The following HMGB1 variants were observed in gnomAD, a reference collection of about 807,000 sequenced individuals.
HMGB1 encodes the protein high mobility group protein B1.
For missense variants in HMGB1, 79 were observed against 253.5 expected (o/e 0.31, Z 4.67); for synonymous variants, 81 against 84.0 (o/e 0.96, Z 0.19).
chr13:30,522,398 C>G (rs1888259758), intron 1 of HMGB1, among the ~76,000 whole-genome samples: 1 of 152,134 alleles, frequency 6.6e-6, no homozygotes, highest in African/African-American at 2.4e-5. Flanking sequence ...GCCACTGTGC[C>G]TGGACATAAT....
chr13:30,501,539 A>T (rs1209973170), intron 1 of HMGB1, among the ~76,000 whole-genome samples: 2 of 150,130 alleles, frequency 1.3e-5, no homozygotes, highest in Non-Finnish European at 3.0e-5. Flanking sequence ...ATTAAAATCA[A>T]TATATTATTT....
intron 1 of HMGB1, among the ~76,000 whole-genome samples, chr13:30,485,084 T>G (rs1327203894): frequency 1.4e-5 from 2 of 147,414 alleles, no homozygotes; most frequent in African/African-American, 2.5e-5. Flanking sequence ...CAGGCTGGAG[T>G]GCCATAGTGC....
At chr13:30,537,033 A>G (rs1360012065) in intron 1 of HMGB1, among the ~76,000 whole-genome samples, 1 of 152,226 alleles carries the variant, frequency 6.6e-6, no homozygotes, top group Non-Finnish European at 1.5e-5. Context: ...GATGTCTTCT[A>G]GAAACTTCCT....
intron 1 of HMGB1, among the ~76,000 whole-genome samples, chr13:30,595,528 CG>C (rs1337269168): frequency 1.2e-4 from 18 of 152,136 alleles, no homozygotes; most frequent in African/African-American, 3.9e-4. Context: ...TCTATTGCTG[CG>C]TAGCATATTT....
At chr13:30,550,415 A>C (rs1207731397) in intron 1 of HMGB1, among the ~76,000 whole-genome samples, 1 of 152,254 alleles carries the variant, frequency 6.6e-6, no homozygotes, top group African/African-American at 2.4e-5. Context: ...TAACGACTGA[A>C]TGGAATGAGA....
Position 30,464,724 on chromosome 13 carries a change from CGA to C in HMGB1, c.-14-1032_-14-1031del. On this transcript the variant is annotated intron_variant, in intron 1 of 4. Transcript: ENST00000341423. Reference sequence around the variant, plus strand: ...TTCTCCGCCTGCGCCGCCGCCGCCGCGAGGGCGAGCGCGAGCGAGAATATGGC... The same window carrying C: ...TTCTCCGCCTGCGCCGCCGCCGCCGCGGGCGAGCGCGAGCGAGAATATGGC... The C allele has an allele frequency of 3.9e-6, 3 of 761,878 alleles. 1 individual carries two copies. The highest frequency in any genetic ancestry group is 4.8e-6 in the Non-Finnish European group (3 of 627,374). 47.2% of individuals were successfully genotyped at this position (761,878 alleles called of 1,614,324 possible).
chr13:30,523,181 G>A (rs1034099321), intron 1 of HMGB1, among the ~76,000 whole-genome samples: 1 of 152,204 alleles, frequency 6.6e-6, no homozygotes, highest in African/African-American at 2.4e-5. Context: ...ATCAGCCTTG[G>A]TTACAGGATT....
chr13:30,511,732 C>T (rs766275465), intron 1 of HMGB1, among the ~76,000 whole-genome samples: 1 of 152,138 alleles, frequency 6.6e-6, no homozygotes, highest in Non-Finnish European at 1.5e-5. Context: ...GGCTTCTTAC[C>T]TGGGCTCTCG....
At chr13:30,589,762 C>T (rs1479444597) in intron 1 of HMGB1, among the ~76,000 whole-genome samples, 3 of 151,798 alleles carry the variant, frequency 2.0e-5, no homozygotes, top group Non-Finnish European at 4.4e-5. Flanking sequence ...CCCAGCTACT[C>T]AGGAGGCTGA....
intron 1 of HMGB1, among the ~76,000 whole-genome samples, chr13:30,531,870 C>T (rs761690608): frequency 2.6e-4 from 39 of 151,666 alleles, no homozygotes; most frequent in Non-Finnish European, 4.0e-4. Context: ...GCACTCCAGC[C>T]TGGGCAATAG....
At chr13:30,534,248 T>C (rs906105896) in intron 1 of HMGB1, among the ~76,000 whole-genome samples, 13 of 152,218 alleles carry the variant, frequency 8.5e-5, no homozygotes, top group East Asian at 3.8e-4. Context: ...CTTCCTGAGC[T>C]GGTCCCATTT....
At chr13:30,484,977 G>A (rs1190202118) in intron 1 of HMGB1, among the ~76,000 whole-genome samples, 1 of 151,574 alleles carries the variant, frequency 6.6e-6, no homozygotes, top group East Asian at 1.9e-4. Flanking sequence ...TGGGAGATAA[G>A]TATTAATATA....
intron 1 of HMGB1, among the ~76,000 whole-genome samples, chr13:30,487,836 C>T (rs1030192703): frequency 1.3e-5 from 2 of 152,042 alleles, no homozygotes; most frequent in Non-Finnish European, 2.9e-5. Context: ...AGACATTTTG[C>T]CAAATTTAGA....
At chr13:30,475,102 G>A (rs1262101499) in intron 1 of HMGB1, among the ~76,000 whole-genome samples, 1 of 104,752 alleles carries the variant, frequency 9.5e-6, no homozygotes, top group Non-Finnish European at 1.8e-5. Context: ...GTGCAGTGGT[G>A]CAACCTTGGC....
At chr13:30,463,735 A>T in intron 1 of HMGB1, 41 bp from the exon 2 acceptor site, 1 of 1,330,330 alleles carries the variant, frequency 7.5e-7, no homozygotes, top group Non-Finnish European at 1.0e-6. Context: ...CAATAAAATT[A>T]TGACATATAA....
At chr13:30,561,240 A>T (rs1303251583) in intron 1 of HMGB1, among the ~76,000 whole-genome samples, 1 of 152,206 alleles carries the variant, frequency 6.6e-6, no homozygotes, top group Non-Finnish European at 1.5e-5. Context: ...AATGGTCAAC[A>T]GTGACTTTCT....
chr13:30,586,839 T>G (rs1871174934), intron 1 of HMGB1, among the ~76,000 whole-genome samples: 1 of 152,120 alleles, frequency 6.6e-6, no homozygotes, highest in Non-Finnish European at 1.5e-5. Context: ...CATCTCAAAC[T>G]TAATGTGTTC....
intron 1 of HMGB1, among the ~76,000 whole-genome samples, chr13:30,557,523 A>G (rs1381862227): frequency 1.3e-5 from 2 of 152,218 alleles, no homozygotes; most frequent in East Asian, 3.9e-4. Context: ...AGCTCTGTCC[A>G]TATCTGCACT....
chr13:30,604,453 G>C (rs998848267), intron 1 of HMGB1, among the ~76,000 whole-genome samples: 4 of 152,148 alleles, frequency 2.6e-5, no homozygotes, highest in Admixed American at 1.3e-4. Flanking sequence ...TGTTGGGGCG[G>C]AGTGCTACTT....
Sources: allele counts gnomAD v4.1 joint callset (sites outside exome capture counted in the v4.1 genomes callset), GRCh38; gene constraint gnomAD v4.1.1; transcripts MANE v1.5; gene names NCBI Gene and HGNC (gene_info 2026-07-23, HGNC 2026-07-21).